Variants in LMF1 observed in about 807,000 individuals in gnomAD.
LMF1 encodes the protein lipase maturation factor 1.
Under a neutral mutation model 60.6 loss-of-function variants are expected in LMF1, and 68 were observed. The ratio of observed to expected loss-of-function variants is 1.12; its 90% CI spans 0.92 to 1.37. The LOEUF (loss-of-function observed/expected upper bound fraction) is 1.37, where lower values mean the gene tolerates loss of function less well. Among genes scored for constraint, LMF1 ranks in the 40% most tolerant of loss-of-function variants. The pLI is 0.00. For missense variants in LMF1, 948 were observed against 767.2 expected, an observed-to-expected ratio of 1.24 and a Z score of -2.78; for synonymous variants, 418 against 324.7, an observed-to-expected ratio of 1.29 and a Z score of -3.09.
At chr16:894,845 T>A (rs2070617096) in intron 4 of LMF1, among the ~76,000 whole-genome samples, 1 of 152,180 alleles carries the variant, frequency 6.6e-6, no homozygotes, top group Non-Finnish European at 1.5e-5. Flanking sequence ...CCTGGTACCA[T>A]GACACTGGGC....
At chr16:919,115 T>C (rs969946627) in intron 3 of LMF1, among the ~76,000 whole-genome samples, 30 of 151,724 alleles carry the variant, frequency 2.0e-4, no homozygotes, top group Non-Finnish European at 4.0e-4. Context: ...GGTGTTCCCC[T>C]CACCACACAG....
chr16:889,623 G>A (rs1326574262), intron 5 of LMF1, among the ~76,000 whole-genome samples: 2 of 152,162 alleles, frequency 1.3e-5, no homozygotes, highest in Non-Finnish European at 2.9e-5. Flanking sequence ...ACCCCCCTCT[G>A]ACTCCTTATC....
intron 1 of LMF1, chr16:976,531 C>A (rs1478927986): frequency 2.2e-6 from 1 of 454,100 alleles, no homozygotes; most frequent in Admixed American, 2.3e-5. Flanking sequence ...GCTCACCTCC[C>A]TGGCTGCTTG....
intron 3 of LMF1, among the ~76,000 whole-genome samples, chr16:926,647 A>C (rs1405612723): frequency 6.6e-6 from 1 of 152,238 alleles, no homozygotes; most frequent in Non-Finnish European, 1.5e-5. Context: ...CCTAAAAACA[A>C]GCGCCACCAA....
At chr16:954,229 G>T in intron 2 of LMF1, 128 bp downstream of exon 2, 1 of 1,026,910 alleles carries the variant, frequency 9.7e-7, no homozygotes, top group South Asian at 1.4e-5. Context: ...TAAGTAAAAT[G>T]ACAATACCCT....
chr16:976,609 A>AG (rs1382241278), intron 1 of LMF1: 8 of 454,090 alleles, frequency 1.8e-5, no homozygotes, highest in Admixed American at 7.0e-5. Context: ...TTATCAGACG[A>AG]GAAGTGCAGA....
chr16:945,084 G>C (rs1002881289), intron 2 of LMF1, among the ~76,000 whole-genome samples: 5 of 151,800 alleles, frequency 3.3e-5, no homozygotes, highest in Admixed American at 1.3e-4. Flanking sequence ...GGTGGCAGAT[G>C]CCTATAATCC....
intron 10 of LMF1, among the ~76,000 whole-genome samples, chr16:867,688 G>A (rs2069650346): frequency 2.6e-5 from 4 of 152,162 alleles, no homozygotes; most frequent in South Asian, 4.1e-4. Flanking sequence ...CTAGGAGGGC[G>A]GCCACCCCAC....
chr16:981,077 C>G, intron 1 of LMF1: 1 of 284,026 alleles, frequency 3.5e-6, no homozygotes, highest in Non-Finnish European at 7.2e-6. Context: ...TCTCCACGCT[C>G]GCACTCGTAT....
Position 869,285 on chromosome 16 carries a change from G to C in LMF1, c.1417-229C>G, listed in dbSNP as rs1030112396. The C allele has an allele frequency of 1.5e-5, 10 of 674,240 alleles. No individual in the cohort carries two copies. In the African/African-American group the frequency reaches 1.6e-4, roughly 11 times the overall value. 41.8% of individuals were successfully genotyped at this position (674,240 alleles called of 1,614,324 possible). On this transcript the variant is annotated intron_variant, in intron 9 of 10. Coordinates refer to ENST00000262301, the MANE Select transcript of LMF1 (RefSeq NM_022773.4). ...GCCGCTGGCTTCGCTCCCCTGGCTG[G>C]GTGCCTTGGAGCCTGTCCACCCCAG...
chr16:913,452 C>G (rs1338285509), intron 3 of LMF1, among the ~76,000 whole-genome samples: 1 of 152,272 alleles, frequency 6.6e-6, no homozygotes, highest in African/African-American at 2.4e-5. Context: ...GGGTGCGACA[C>G]CCAACTCCTG....
chr16:937,731 T>C (rs2071985341), intron 2 of LMF1, among the ~76,000 whole-genome samples: 1 of 152,254 alleles, frequency 6.6e-6, no homozygotes, highest in East Asian at 1.9e-4. Flanking sequence ...AAAGACTTCA[T>C]GTATAAATAT....
intron 4 of LMF1, among the ~76,000 whole-genome samples, chr16:908,400 C>A (rs968539108): frequency 6.6e-6 from 1 of 152,198 alleles, no homozygotes; most frequent in Non-Finnish European, 1.5e-5. Flanking sequence ...CACTCACGCA[C>A]CCCTCAGCCA....
At chr16:908,861 C>T (rs2071034390) in intron 4 of LMF1, among the ~76,000 whole-genome samples, 1 of 152,242 alleles carries the variant, frequency 6.6e-6, no homozygotes, top group Non-Finnish European at 1.5e-5. Flanking sequence ...GACGGGTGCC[C>T]ACCACCCCCG....
chr16:929,193 C>G (rs1012826200), intron 3 of LMF1, among the ~76,000 whole-genome samples: 12 of 152,202 alleles, frequency 7.9e-5, no homozygotes, highest in Non-Finnish European at 1.2e-4. Flanking sequence ...GAAAGCGTCT[C>G]CAGAAGCACT....
chr16:889,968 C>T (rs952147864), intron 5 of LMF1, among the ~76,000 whole-genome samples: 3 of 152,184 alleles, frequency 2.0e-5, no homozygotes, highest in African/African-American at 7.2e-5. Context: ...CCCTGCTGCC[C>T]ACCTGTGCAT....
At chr16:908,936 G>C (rs933395936) in intron 4 of LMF1, among the ~76,000 whole-genome samples, 1 of 152,168 alleles carries the variant, frequency 6.6e-6, no homozygotes, top group Non-Finnish European at 1.5e-5. Flanking sequence ...AGGAAAGCTG[G>C]AGGCTCCCTG....
rs758116895 is a variant in LMF1, at chr16:854,669, G to T, written c.1567C>A (p.Arg523Ser). The T allele has an allele frequency of 1.9e-6, 3 of 1,603,220 alleles. No individual in the cohort carries two copies. The highest frequency in any genetic ancestry group is 2.2e-5 in the East Asian group (1 of 44,564). Residue 523 changes from arginine to serine, a missense_variant, in exon 11 of 11, where the codon CGT (arginine) becomes AGT (serine). By Grantham distance (110) the Arg-to-Ser change is moderately radical. Coordinates refer to ENST00000262301, the MANE Select transcript of LMF1 (RefSeq NM_022773.4). The stretch of plus-strand genomic sequence containing the variant: ...TCGGCGGCGTGCCTGCCCCCAGGAC[G>T]GCTGAACTTGTACCTGTAGTGCTCT... ...RGEHYRYKFS[R>S]PGGRHAAEGK...
At chr16:967,657 T>C (rs1409758515) in intron 1 of LMF1, among the ~76,000 whole-genome samples, 4 of 152,208 alleles carry the variant, frequency 2.6e-5, no homozygotes, top group African/African-American at 9.6e-5. Context: ...GTGTCAGGCA[T>C]CCCCGACCAC....
Sources: gnomAD v4.1 joint callset for allele counts (sites outside exome capture counted in the v4.1 genomes callset) on GRCh38, gnomAD v4.1.1 for gene constraint, MANE v1.5 for transcripts, NCBI Gene and HGNC (gene_info 2026-07-23, HGNC 2026-07-21) for gene names.